The following DCST1 variants were observed in gnomAD, a reference collection of about 807,000 sequenced individuals.
DCST1 encodes E3 ubiquitin-protein ligase DCST1.
DCST1 carries 78 observed loss-of-function variants against 89.1 expected under a neutral mutation model. The observed-to-expected ratio is 0.88, with a 90% CI of 0.73 to 1.06. The LOEUF (loss-of-function observed/expected upper bound fraction) is 1.06, where lower values mean the gene tolerates loss of function less well. Among genes scored for constraint, DCST1 ranks in the 50% least tolerant of loss-of-function variants. The probability of loss-of-function intolerance (pLI) is 0.00; values close to 1 mark genes in which losing one functional copy is unlikely to be tolerated. For synonymous variants in DCST1, 364 were observed against 371.9 expected (o/e 0.98, Z 0.24); for missense variants, 900 against 928.6 (o/e 0.97, Z 0.40).
chr1:155,035,156 G>T (rs1211161970), intron 4 of DCST1: 1 of 193,184 alleles, frequency 5.2e-6, no homozygotes, highest in Non-Finnish European at 1.1e-5. Flanking sequence ...CTTTGGTTTT[G>T]TTTGTATGTT....
chr1:155,048,014 G>A (rs756912929), intron 15 of DCST1, 43 bp from the exon 16 acceptor site: 2 of 1,612,944 alleles, frequency 1.2e-6, no homozygotes, highest in East Asian at 4.5e-5. Context: ...CTCCATATTT[G>A]GGGGATGCCT....
intron 4 of DCST1, among the ~76,000 whole-genome samples, chr1:155,038,596 C>G (rs1660340399): frequency 6.6e-6 from 1 of 152,204 alleles, no homozygotes; most frequent in Non-Finnish European, 1.5e-5. Flanking sequence ...AATCTTCTAG[C>G]TCCCCCGACC....
At position 155,041,676 on chromosome 1, in the gene DCST1, G is replaced by C. The variant is rs200401811; in HGVS notation, c.749-38G>C. The C allele has an allele frequency of 6.9e-5, 111 of 1,614,112 alleles. 1 individual carries two copies. The Admixed American group carries it at 1.5e-3, about 22-fold the overall frequency. ...ATGTGGGGCCAGCATTGTGGATCAA[G>C]ATGTGGGAACCTCAGACACCCTTGC... On this transcript the variant is annotated intron_variant, in intron 7 of 16. Coordinates refer to ENST00000295542, the MANE Select transcript of DCST1 (RefSeq NM_152494.4).
At chr1:155,038,465 C>T (rs1367840202) in intron 4 of DCST1, among the ~76,000 whole-genome samples, 2 of 152,324 alleles carry the variant, frequency 1.3e-5, no homozygotes, top group South Asian at 4.1e-4. Flanking sequence ...TAGGGAGACT[C>T]ATCAGGTTAT....
In DCST1 at chr1:155,041,579, G is replaced by T; in HGVS notation, c.714G>T (p.Lys238Asn). The T allele has an allele frequency of 6.2e-7, 1 of 1,614,128 alleles. No homozygotes were observed. The highest frequency in any genetic ancestry group is 8.5e-7 in the Non-Finnish European group (1 of 1,180,002). ...PASRLHLSTQ[K>N]MYELKTKLRC... is the part of the protein sequence containing the mutation. ...CCAGACTCCACCTGTCGACACAGAA[G>T]ATGTATGAGCTGAAGACCAAGCTGC... Residue 238 changes from lysine to asparagine, a missense_variant, in exon 7 of 17, where the codon AAG becomes AAT. Coordinates refer to ENST00000295542, the MANE Select transcript of DCST1 (RefSeq NM_152494.4).
At chr1:155,049,405 C>A in intron 16 of DCST1, 1 of 241,078 alleles carries the variant, frequency 4.1e-6, no homozygotes, top group Non-Finnish European at 7.7e-6. Context: ...CCTTACATGA[C>A]AATTGAATTG....
intron 16 of DCST1, 200 bp from the exon 17 acceptor site, chr1:155,050,417 G>A: frequency 1.6e-6 from 1 of 640,186 alleles, no homozygotes; most frequent in East Asian, 2.8e-5. Context: ...GAGAGAGCCT[G>A]GAGGGTGCAT....
At chr1:155,050,422 G>A (rs556179660) in intron 16 of DCST1, 195 bp from the exon 17 acceptor site, 2 of 655,150 alleles carry the variant, frequency 3.1e-6, no homozygotes, top group South Asian at 2.0e-5. Context: ...AGCCTGGAGG[G>A]TGCATCCTCC....
At chr1:155,034,295 C>A (rs751302972) in intron 2 of DCST1, 140 bp from the exon 3 acceptor site, 6 of 1,593,986 alleles carry the variant, frequency 3.8e-6, no homozygotes, top group Non-Finnish European at 4.3e-6. Flanking sequence ...GCTCCCTCAT[C>A]CTCCTCCAGG....
chr1:155,040,359 C>G, intron 5 of DCST1, 126 bp from the exon 6 acceptor site: 1 of 889,330 alleles, frequency 1.1e-6, no homozygotes, highest in Non-Finnish European at 1.6e-6. Context: ...GTTGACCTTT[C>G]ATAGGCTCTC....
intron 4 of DCST1, chr1:155,035,207 G>A: frequency 5.7e-6 from 1 of 174,976 alleles, no homozygotes; most frequent in South Asian, 1.3e-4. Flanking sequence ...CTGTTGCCCA[G>A]GCTGGAGTGC....
chr1:155,041,334 T>G, intron 6 of DCST1, 63 bp from the exon 7 acceptor site: 1 of 1,566,128 alleles, frequency 6.4e-7, no homozygotes, highest in Non-Finnish European at 8.8e-7. Flanking sequence ...GGACAGGCCC[T>G]CAGGCAGCAG....
chr1:155,050,899 C>T lies in DCST1; in HGVS notation c.*31C>T. The T allele has an allele frequency of 6.3e-7, 1 of 1,598,454 alleles. No homozygotes were observed. Among genetic ancestry groups the T allele is most frequent in the Non-Finnish European group, 8.6e-7 (1 of 1,168,460 alleles). On this transcript the variant is annotated 3_prime_UTR_variant, in exon 17 of 17. Coordinates refer to ENST00000295542, the MANE Select transcript of DCST1 (RefSeq NM_152494.4). ...CGTCCTGCTCGCTCTTCCGCACCGT[C>T]CTTCCCGGTTAATAAAATGCCCTGT...
intron 4 of DCST1, among the ~76,000 whole-genome samples, chr1:155,037,381 C>A (rs139448382): frequency 7.4e-4 from 112 of 152,020 alleles, no homozygotes; most frequent in Non-Finnish European, 1.0e-3. Flanking sequence ...GACTCTCCCT[C>A]TCTGCCTGCC....
chr1:155,038,321 G>A (rs761518687), intron 4 of DCST1, among the ~76,000 whole-genome samples: 6 of 152,216 alleles, frequency 3.9e-5, no homozygotes, highest in Admixed American at 6.5e-5. Flanking sequence ...TAGGGAGTTC[G>A]GATTTTATAC....
intron 4 of DCST1, among the ~76,000 whole-genome samples, chr1:155,037,927 C>A (rs1243516725): frequency 6.6e-6 from 1 of 152,266 alleles, no homozygotes; most frequent in African/African-American, 2.4e-5. Context: ...GAACTAGTCC[C>A]TTTCAGTGTC....
Position 155,041,483 on chromosome 1 carries a change from C to T in DCST1, c.618C>T (p.Gly206=). The change falls in exon 7 of 17, where the codon GGC becomes GGT. Residue 206 remains glycine (G), a synonymous_variant. Transcript: ENST00000295542. Reference sequence around the variant, plus strand: ...ATGCCCAGGTGAATAGTGAGACGGGCTACACGCCTGAGGATACCATGGACT... The same window carrying T: ...ATGCCCAGGTGAATAGTGAGACGGGTTACACGCCTGAGGATACCATGGACT... ...DLDAQVNSET[G]YTPEDTMDSG... The T allele has an allele frequency of 6.2e-7, 1 of 1,614,080 alleles. No individual in the cohort carries two copies. The highest frequency in any genetic ancestry group is 8.5e-7 in the Non-Finnish European group (1 of 1,180,016).
In DCST1 at chr1:155,041,969, AG is replaced by A. The variant is rs1315053327; in HGVS notation, c.892+114del. The stretch of plus-strand genomic sequence containing the variant: ...ACAGATGAGGAGGGTTTTGGCCCTG[AG>A]GCCACAGCATCCTTAGAGCCCTCCA... On this transcript the variant is annotated intron_variant, in intron 8 of 16. Coordinates refer to ENST00000295542, the MANE Select transcript of DCST1 (RefSeq NM_152494.4). The A allele has an allele frequency of 3.1e-5, 45 of 1,436,230 alleles. No individual in the cohort carries two copies. The African/African-American group carries it at 6.2e-4, about 20-fold the overall frequency. The allele number at this position is 1,436,230 out of a possible 1,614,324, so 89.0% of individuals were successfully genotyped here.
chr1:155,039,344 G>A (rs373689448), intron 4 of DCST1, 59 bp from the exon 5 acceptor site: 11 of 1,461,988 alleles, frequency 7.5e-6, no homozygotes, highest in African/African-American at 4.3e-5. Flanking sequence ...TCTGGTAAAC[G>A]TGAGGAAGGG....
Sources: gnomAD v4.1 joint callset for allele counts (sites outside exome capture counted in the v4.1 genomes callset) on GRCh38, gnomAD v4.1.1 for gene constraint, MANE v1.5 for transcripts, NCBI Gene and HGNC (gene_info 2026-07-23, HGNC 2026-07-21) for gene names.